CAMTA1: variants seen among roughly 807,000 people sequenced by gnomAD.
CAMTA1 encodes calmodulin binding transcription activator 1.
CAMTA1 carries 27 observed loss-of-function variants against 170.9 expected under a neutral mutation model. The ratio of observed to expected loss-of-function variants is 0.16; its 90% confidence interval spans 0.12 to 0.22. The LOEUF (loss-of-function observed/expected upper bound fraction) is 0.22. CAMTA1 is among the 10% of genes least tolerant of loss of function. CAMTA1 has a pLI of 1.00. For missense variants in CAMTA1, 1,619 were observed against 2,217.2 expected (o/e 0.73, Z 5.42); for synonymous variants, 833 against 891.5 (o/e 0.93, Z 1.17).
chr1:7,503,832 G>A (rs2094051600), intron 6 of CAMTA1, among the ~76,000 whole-genome samples: 1 of 152,184 alleles, frequency 6.6e-6, no homozygotes, highest in South Asian at 2.1e-4. Context: ...TGCTGACGGA[G>A]TTCCCTGCAA....
chr1:7,235,118 C>G (rs1005753438), intron 4 of CAMTA1, among the ~76,000 whole-genome samples: 2 of 152,126 alleles, frequency 1.3e-5, no homozygotes, highest in Admixed American at 1.3e-4. Context: ...ACTCTGAGTT[C>G]TGGAAGCCCT....
At position 7,225,971 on chromosome 1, in the gene CAMTA1, G is replaced by A. The variant is rs543973152; in HGVS notation, c.303-23520G>A. 3.1e-3 allele frequency among the ~76,000 whole-genome samples: 473 copies of A among 152,286 alleles called. 2 individuals carry two copies. The highest frequency in any genetic ancestry group is 4.9e-3 in the Non-Finnish European group (336 of 68,012). On this transcript the variant is annotated intron_variant, in intron 4 of 22. Transcript: ENST00000303635. ...GCATCCCCTTTTGGGGGTATCCTAG[G>A]ATGGCAGATGTGGGATGGCCTGGCG...
chr1:7,138,916 A>C (rs1034307680), intron 4 of CAMTA1, among the ~76,000 whole-genome samples: 1 of 150,576 alleles, frequency 6.6e-6, no homozygotes, highest in African/African-American at 2.4e-5. Context: ...AATTGCTTGA[A>C]CCCAGGAGGC....
At chr1:6,916,050 C>T (rs1052052828) in intron 3 of CAMTA1, among the ~76,000 whole-genome samples, 11 of 152,132 alleles carry the variant, frequency 7.2e-5, no homozygotes, top group East Asian at 1.9e-4. Flanking sequence ...GTGCTGTTCG[C>T]GGTCTGTTCC....
chr1:7,760,155 G>A (rs970864106), intron 22 of CAMTA1, among the ~76,000 whole-genome samples: 4 of 152,202 alleles, frequency 2.6e-5, no homozygotes, highest in Admixed American at 2.0e-4. Context: ...TTAATTGGAG[G>A]AAGAAGAAAT....
At chr1:7,342,153 C>G (rs1418677064) in intron 5 of CAMTA1, among the ~76,000 whole-genome samples, 2 of 152,170 alleles carry the variant, frequency 1.3e-5, no homozygotes, top group Non-Finnish European at 2.9e-5. Flanking sequence ...CTCTTGAGGG[C>G]AATATCTGGG....
At chr1:7,558,847 G>A (rs548140575) in intron 6 of CAMTA1, among the ~76,000 whole-genome samples, 50 of 152,266 alleles carry the variant, frequency 3.3e-4, no homozygotes, top group Non-Finnish European at 6.0e-4. Context: ...TGACTCCAGC[G>A]TTATTTAGTT....
rs1305528586 is a variant in CAMTA1, at chr1:7,547,383, CACACACA to C, written c.510+79483_510+79489del. 2.1e-5 allele frequency among the ~76,000 whole-genome samples: 3 copies of C among 141,670 alleles called. No homozygotes were observed. Among genetic ancestry groups the C allele is most frequent in the African/African-American group, 5.1e-5 (2 of 39,512 alleles). 92.9% of individuals were successfully genotyped at this position (141,670 alleles called of 152,430 possible). ...ACACACACACACACACACACACACACACACACAGAGTTGGCCTTCCACATTCATGAGT... is the reference window on the plus strand; with the variant it reads ...ACACACACACACACACACACACACACGAGTTGGCCTTCCACATTCATGAGT... On this transcript the variant is annotated intron_variant, in intron 6 of 22. Transcript: ENST00000303635. The surrounding 1 kb of genome is among the most constrained non-coding windows in gnomAD (Gnocchi z 5.7).
chr1:7,106,274 A>G (rs78667051), intron 4 of CAMTA1, among the ~76,000 whole-genome samples: 13 of 148,308 alleles, frequency 8.8e-5, no homozygotes, highest in African/African-American at 2.9e-4. Context: ...GAGAGAGAGA[A>G]AGAAAGAAGG....
intron 5 of CAMTA1, among the ~76,000 whole-genome samples, chr1:7,273,819 G>A (rs894344931): frequency 1.3e-5 from 2 of 152,158 alleles, no homozygotes; most frequent in African/African-American, 2.4e-5. Context: ...CAAAGTGTGT[G>A]ACAACAATGA....
chr1:7,544,912 C>A (rs1004118970), intron 6 of CAMTA1, among the ~76,000 whole-genome samples: 1 of 152,140 alleles, frequency 6.6e-6, no homozygotes, highest in Non-Finnish European at 1.5e-5. Flanking sequence ...ATTACCCCTT[C>A]GGGAGAGAAC....
At chr1:7,475,753 G>T (rs1056438058) in intron 6 of CAMTA1, among the ~76,000 whole-genome samples, 15 of 152,234 alleles carry the variant, frequency 9.9e-5, no homozygotes, top group African/African-American at 3.6e-4. Flanking sequence ...ACAGGGCAGG[G>T]GTGAGTTCGT....
At chr1:7,389,958 G>T (rs2088502966) in intron 5 of CAMTA1, among the ~76,000 whole-genome samples, 1 of 152,164 alleles carries the variant, frequency 6.6e-6, no homozygotes, top group Non-Finnish European at 1.5e-5. Flanking sequence ...GATGCTATTT[G>T]TGTCCCCCGC....
intron 4 of CAMTA1, among the ~76,000 whole-genome samples, chr1:7,098,763 G>T (rs770990365): frequency 6.6e-6 from 1 of 152,140 alleles, no homozygotes; most frequent in Non-Finnish European, 1.5e-5. Flanking sequence ...GGCCTGGTGG[G>T]GTATTGTCAC....
At position 7,288,587 on chromosome 1, in the gene CAMTA1, G is replaced by A. The variant is rs1324930802; in HGVS notation, c.438+38961G>A. ...AGACTCAGGACAGGGCAGTGTGCTGGATGCAGGAAAACCAAGGGTGAATCA... is the reference window on the plus strand; with the variant it reads ...AGACTCAGGACAGGGCAGTGTGCTGAATGCAGGAAAACCAAGGGTGAATCA... On this transcript the variant is annotated intron_variant, in intron 5 of 22. Coordinates refer to ENST00000303635, the MANE Select transcript of CAMTA1 (RefSeq NM_015215.4). Among the ~76,000 whole-genome samples, 6 of 152,178 alleles carry A rather than the reference G, an allele frequency of 3.9e-5. No individual in the cohort carries two copies. In the East Asian group the frequency reaches 1.2e-3, roughly 29 times the overall value.
At chr1:7,551,861 G>A (rs1233305840) in intron 6 of CAMTA1, among the ~76,000 whole-genome samples, 2 of 152,168 alleles carry the variant, frequency 1.3e-5, no homozygotes, top group African/African-American at 4.8e-5. Context: ...CATTCCTGAT[G>A]GCCTCAGCAC....
chr1:7,542,926 G>A (rs1038103692), intron 6 of CAMTA1, among the ~76,000 whole-genome samples: 1 of 150,778 alleles, frequency 6.6e-6, no homozygotes, highest in African/African-American at 2.4e-5. Flanking sequence ...GTGCAGTGGC[G>A]CGATCTCGGC....
At chr1:7,390,275 C>G (rs1236053822) in intron 5 of CAMTA1, among the ~76,000 whole-genome samples, 1 of 152,174 alleles carries the variant, frequency 6.6e-6, no homozygotes, top group Non-Finnish European at 1.5e-5. Flanking sequence ...CACAACCCGC[C>G]CAGGGTGCCT....
intron 3 of CAMTA1, among the ~76,000 whole-genome samples, chr1:6,924,576 T>C (rs1240719093): frequency 6.6e-6 from 1 of 152,230 alleles, no homozygotes; most frequent in East Asian, 1.9e-4. Context: ...TCTGGGTCCC[T>C]GTGAGGAGGA....
Sources: gnomAD v4.1 joint callset for allele counts (sites outside exome capture counted in the v4.1 genomes callset) on GRCh38, gnomAD v4.1.1 for gene constraint, Gnocchi (gnomAD v3.1) non-coding constraint, MANE v1.5 for transcripts, NCBI Gene and HGNC (gene_info 2026-07-23, HGNC 2026-07-21) for gene names.